The following KCNK13 variants were observed in gnomAD, a reference collection of about 807,000 sequenced individuals.
The protein encoded by KCNK13 is potassium channel subfamily K member 13.
A neutral mutation model predicts 23.4 loss-of-function variants in KCNK13; 12 were observed. The ratio of observed to expected loss-of-function variants is 0.51; its 90% CI spans 0.33 to 0.83. The LOEUF (loss-of-function observed/expected upper bound fraction) is 0.83, where lower values mean the gene tolerates loss of function less well. Ranked by LOEUF, KCNK13 falls within the 40% of genes least tolerant of loss-of-function variation. KCNK13 has a pLI of 0.02. For synonymous variants in KCNK13, 231 were observed against 229.5 expected (o/e 1.01, Z -0.06); for missense variants, 463 against 556.3 (o/e 0.83, Z 1.69).
At chr14:90,071,068 T>G (rs1289210151) in intron 1 of KCNK13, among the ~76,000 whole-genome samples, 1 of 152,228 alleles carries the variant, frequency 6.6e-6, no homozygotes, top group African/African-American at 2.4e-5. Flanking sequence ...TATGCTCATC[T>G]TAGCCCATTG....
rs1482660284 is a variant in KCNK13 at position 90,134,729 on chromosome 14, C to T, written c.335-49382C>T. Among the ~76,000 whole-genome samples the T allele has an allele frequency of 2.0e-5, 3 of 152,332 alleles. No individual in the cohort carries two copies. The East Asian group carries it at 5.8e-4, about 29-fold the overall frequency. ...CCACTTTACTAACAGAGAAACTGAA[C>T]TGCAGAGAGACGTGTGTGATCCCTT... is the stretch of plus-strand genomic sequence containing the variant. On this transcript the variant is annotated intron_variant, in intron 1 of 1. Transcript: ENST00000282146.
intron 1 of KCNK13, among the ~76,000 whole-genome samples, chr14:90,067,071 C>T (rs924561999): frequency 2.0e-5 from 3 of 152,262 alleles, no homozygotes; most frequent in African/African-American, 7.2e-5. Context: ...GAGTTCGAGA[C>T]CAGCCTGGCC....
chr14:90,136,121 A>G (rs1340119086), intron 1 of KCNK13, among the ~76,000 whole-genome samples: 1 of 151,984 alleles, frequency 6.6e-6, no homozygotes, highest in African/African-American at 2.4e-5. Flanking sequence ...GGAGTCATGA[A>G]AAGTGGCCAG....
intron 1 of KCNK13, among the ~76,000 whole-genome samples, chr14:90,178,340 A>G (rs1380108936): frequency 2.0e-5 from 3 of 150,614 alleles, no homozygotes; most frequent in African/African-American, 4.9e-5. Flanking sequence ...TGCCCAGGCT[A>G]GAGTGCAATG....
chr14:90,153,001 A>G (rs1267924787), intron 1 of KCNK13, among the ~76,000 whole-genome samples: 1 of 151,948 alleles, frequency 6.6e-6, no homozygotes, highest in Admixed American at 6.6e-5. Context: ...GCCCATCCCC[A>G]TTGCCACCCT....
chr14:90,152,963 T>G (rs1433286533), intron 1 of KCNK13, among the ~76,000 whole-genome samples: 1 of 152,186 alleles, frequency 6.6e-6, no homozygotes, highest in Non-Finnish European at 1.5e-5. Context: ...GACATTTCCC[T>G]AGCTTTGCCC....
intron 1 of KCNK13, among the ~76,000 whole-genome samples, chr14:90,183,642 T>C (rs1332427331): frequency 2.0e-5 from 3 of 152,224 alleles, no homozygotes; most frequent in African/African-American, 7.2e-5. Context: ...TCCACAGTTC[T>C]ATCCCCAGGT....
intron 1 of KCNK13, among the ~76,000 whole-genome samples, chr14:90,169,096 A>T (rs1035581601): frequency 4.6e-5 from 7 of 152,258 alleles, no homozygotes; most frequent in Admixed American, 3.9e-4. Flanking sequence ...GCGTGAGAAC[A>T]GACTAATAAT....
chr14:90,172,203 G>A (rs1890372063), intron 1 of KCNK13, among the ~76,000 whole-genome samples: 1 of 151,958 alleles, frequency 6.6e-6, no homozygotes, highest in African/African-American at 2.4e-5. Flanking sequence ...TGTAATCCCA[G>A]CTACATGGGA....
At chr14:90,110,971 T>G (rs1039707916) in intron 1 of KCNK13, among the ~76,000 whole-genome samples, 2 of 149,872 alleles carry the variant, frequency 1.3e-5, no homozygotes, top group South Asian at 4.3e-4. Context: ...ATGGCGCCAT[T>G]GCACTCCAGC....
At chr14:90,101,138 C>T (rs1322419656) in intron 1 of KCNK13, among the ~76,000 whole-genome samples, 1 of 152,174 alleles carries the variant, frequency 6.6e-6, no homozygotes, top group Non-Finnish European at 1.5e-5. Flanking sequence ...AATAATCACA[C>T]CTCAGAGTTG....
chr14:90,099,683 C>T (rs1409545724), intron 1 of KCNK13, among the ~76,000 whole-genome samples: 1 of 152,116 alleles, frequency 6.6e-6, no homozygotes, highest in Non-Finnish European at 1.5e-5. Flanking sequence ...GTAAACCCTG[C>T]GTAATTGAAG....
intron 1 of KCNK13, among the ~76,000 whole-genome samples, chr14:90,080,946 C>G (rs1889201989): frequency 6.6e-6 from 1 of 152,132 alleles, no homozygotes; most frequent in Non-Finnish European, 1.5e-5. Context: ...GACAGTGTGC[C>G]CCTAGTTGTG....
intron 1 of KCNK13, among the ~76,000 whole-genome samples, chr14:90,132,042 T>G (rs1050723483): frequency 1.3e-5 from 2 of 152,212 alleles, no homozygotes; most frequent in African/African-American, 4.8e-5. Context: ...TGTCCGTTGA[T>G]AGGCAATTGG....
At chr14:90,076,526 A>G (rs1298698687) in intron 1 of KCNK13, among the ~76,000 whole-genome samples, 1 of 152,136 alleles carries the variant, frequency 6.6e-6, no homozygotes, top group African/African-American at 2.4e-5. Context: ...CCCAACCCCC[A>G]TCTGTACGTG....
intron 1 of KCNK13, among the ~76,000 whole-genome samples, chr14:90,131,566 C>T (rs1889872225): frequency 6.6e-6 from 1 of 152,062 alleles, no homozygotes; most frequent in African/African-American, 2.4e-5. Flanking sequence ...GTCACTCTGT[C>T]ATCCAGGCAG....
At chr14:90,135,621 G>T (rs761866246) in intron 1 of KCNK13, among the ~76,000 whole-genome samples, 9 of 152,190 alleles carry the variant, frequency 5.9e-5, no homozygotes, top group Non-Finnish European at 1.0e-4. Flanking sequence ...TCATTGGCAG[G>T]ATGTGGCTCC....
chr14:90,164,653 T>C (rs1358489864), intron 1 of KCNK13, among the ~76,000 whole-genome samples: 1 of 152,222 alleles, frequency 6.6e-6, no homozygotes, highest in East Asian at 1.9e-4. Flanking sequence ...GGAAATTTCA[T>C]GATTTTGTAG....
chr14:90,062,623 C>A lies in KCNK13; in HGVS notation c.334+84C>A, dbSNP rs12878088. The A allele has an allele frequency of 0.36, 389,265 of 1,078,138 alleles. 75,581 individuals are homozygous for A. Among genetic ancestry groups the A allele is most frequent in the Non-Finnish European group, 0.4 (312,533 of 782,312 alleles). The allele number at this position is 1,078,138 out of a possible 1,614,324, so 66.8% of individuals were successfully genotyped here. A position where few individuals can be genotyped will look rare whatever the true frequency, so the allele number is the denominator to read the frequency against. ...GGCAGGACCGACCCTCTCATCCTTTCATTCATCCATCTGGGCGCCCAGCCA... is the reference window on the plus strand; with the variant it reads ...GGCAGGACCGACCCTCTCATCCTTTAATTCATCCATCTGGGCGCCCAGCCA... On this transcript the variant is annotated intron_variant, in intron 1 of 1. Coordinates refer to ENST00000282146, the MANE Select transcript of KCNK13 (RefSeq NM_022054.4). The surrounding 1 kb of genome is among the most constrained non-coding windows in gnomAD (Gnocchi z 4.5).
Sources: allele counts gnomAD v4.1 joint callset (sites outside exome capture counted in the v4.1 genomes callset), GRCh38; gene constraint gnomAD v4.1.1; non-coding constraint Gnocchi (gnomAD v3.1); transcripts MANE v1.5; gene names NCBI Gene and HGNC (gene_info 2026-07-23, HGNC 2026-07-21).